PCDH15: variants seen among roughly 807,000 people sequenced by gnomAD.
PCDH15 encodes protocadherin related 15, also known as protocadherin-15.
A neutral mutation model predicts 178.5 loss-of-function variants in PCDH15; 129 were observed. The observed-to-expected ratio is 0.72, with a 90% CI of 0.63 to 0.84. The LOEUF (loss-of-function observed/expected upper bound fraction) is 0.84, where lower values mean the gene tolerates loss of function less well. Ranked by LOEUF, PCDH15 falls within the 40% of genes least tolerant of loss-of-function variation. The pLI, the probability that PCDH15 is intolerant of heterozygous loss-of-function variation, is 0.00. For synonymous variants in PCDH15, 800 were observed against 732.0 expected (o/e 1.09, Z -1.50); for missense variants, 2,230 against 2,099.9 (o/e 1.06, Z -1.21).
chr10:55,481,474 G>A (rs1183759135), intron 2 of PCDH15, among the ~76,000 whole-genome samples: 1 of 151,514 alleles, frequency 6.6e-6, no homozygotes, highest in African/African-American at 2.4e-5. Flanking sequence ...GTTTTTTAGT[G>A]CTATAAATTT....
intron 3 of PCDH15, among the ~76,000 whole-genome samples, chr10:54,443,825 A>G (rs114070196): frequency 0.018 from 2,701 of 151,734 alleles, 93 homozygotes; most frequent in African/African-American, 0.062. Flanking sequence ...TCTGACTTCC[A>G]TCAGCTCACC....
intron 1 of PCDH15, among the ~76,000 whole-genome samples, chr10:54,756,569 C>T (rs1255131649): frequency 1.3e-5 from 2 of 152,122 alleles, no homozygotes; most frequent in Non-Finnish European, 2.9e-5. Context: ...TGGAAAAATA[C>T]ATTTAGTAGG....
intron 1 of PCDH15, among the ~76,000 whole-genome samples, chr10:55,270,687 G>A (rs995636600): frequency 6.6e-6 from 1 of 152,174 alleles, no homozygotes; most frequent in African/African-American, 2.4e-5. Context: ...CTTATACACT[G>A]TTGGTGAGAA....
chr10:54,707,573 T>C (rs1257895259), intron 1 of PCDH15, among the ~76,000 whole-genome samples: 2 of 152,140 alleles, frequency 1.3e-5, no homozygotes, highest in African/African-American at 4.8e-5. Context: ...TAAAGCAGCA[T>C]GTAGATTTAA....
intron 1 of PCDH15, among the ~76,000 whole-genome samples, chr10:55,268,048 G>C (rs1015251919): frequency 6.6e-6 from 1 of 152,254 alleles, no homozygotes; most frequent in East Asian, 1.9e-4. Context: ...TGCACTGAAA[G>C]CATTTCATTG....
rs1837525430 is a variant in PCDH15 at position 55,112,171 on chromosome 10, T to G, written c.-80+54405A>C. Among the ~76,000 whole-genome samples, 4 of 152,248 alleles carry G rather than the reference T, an allele frequency of 2.6e-5. No individual in the cohort carries two copies. The South Asian group carries it at 8.3e-4, about 32-fold the overall frequency. On this transcript the variant is annotated intron_variant, in intron 2 of 5. Coordinates refer to the PCDH15 transcript ENST00000458638. ...CTGAATGTCTGTGTCCATGCAAAAT[T>G]CACATGTTGAAATCCTAAGGCAAAT...
chr10:55,622,580 A>G (rs1323873893), intron 2 of PCDH15, among the ~76,000 whole-genome samples: 2 of 152,298 alleles, frequency 1.3e-5, no homozygotes, highest in Middle Eastern at 6.8e-3. Context: ...AGTATTTTTC[A>G]TAAAATGTAA....
chr10:55,430,367 GC>G (rs1444529763), intron 2 of PCDH15, among the ~76,000 whole-genome samples: 8 of 152,250 alleles, frequency 5.3e-5, no homozygotes, highest in African/African-American at 1.9e-4. Context: ...TAGGTAAATA[GC>G]CAAATGAATC....
chr10:54,333,723 T>C (rs1396805190), intron 6 of PCDH15, among the ~76,000 whole-genome samples: 2 of 152,184 alleles, frequency 1.3e-5, no homozygotes, highest in Admixed American at 6.5e-5. Flanking sequence ...TGTAGATTCC[T>C]AGCATCTATT....
chr10:55,154,773 C>T (rs1838838012), intron 2 of PCDH15, among the ~76,000 whole-genome samples: 1 of 152,092 alleles, frequency 6.6e-6, no homozygotes, highest in African/African-American at 2.4e-5. Context: ...TTAAGAACTG[C>T]TAGGATATCA....
chr10:54,903,413 C>A (rs1023027428), intron 2 of PCDH15, among the ~76,000 whole-genome samples: 1 of 152,158 alleles, frequency 6.6e-6, no homozygotes, highest in Non-Finnish European at 1.5e-5. Context: ...GAAGACCATT[C>A]AGACTTCCAA....
At chr10:54,011,834 G>C (rs942609798) in intron 20 of PCDH15, among the ~76,000 whole-genome samples, 1 of 152,180 alleles carries the variant, frequency 6.6e-6, no homozygotes, top group African/African-American at 2.4e-5. Context: ...AGCGAACACA[G>C]ATGAGAAAGA....
chr10:55,080,129 T>C (rs1455161858), intron 2 of PCDH15, among the ~76,000 whole-genome samples: 1 of 152,076 alleles, frequency 6.6e-6, no homozygotes, highest in Non-Finnish European at 1.5e-5. Context: ...GCAGGAGCCA[T>C]GGCCACAGCG....
chr10:55,231,165 T>C (rs1186460047), intron 1 of PCDH15, among the ~76,000 whole-genome samples: 2 of 151,982 alleles, frequency 1.3e-5, no homozygotes, highest in East Asian at 1.9e-4. Context: ...TGATGGTATC[T>C]TAAATAGGGT....
intron 3 of PCDH15, among the ~76,000 whole-genome samples, chr10:54,457,445 C>A (rs757828215): frequency 1.1e-4 from 17 of 152,156 alleles, no homozygotes; most frequent in African/African-American, 3.4e-4. Context: ...CCCTCCTAAT[C>A]TTTCACATTA....
intron 1 of PCDH15, among the ~76,000 whole-genome samples, chr10:55,239,112 A>C (rs1474017511): frequency 6.6e-6 from 1 of 152,004 alleles, no homozygotes; most frequent in African/African-American, 2.4e-5. Context: ...AATATGTGAA[A>C]TTTGTCTTTC....
chr10:53,818,561 G>C (rs2076146327), intron 33 of PCDH15, among the ~76,000 whole-genome samples: 1 of 151,970 alleles, frequency 6.6e-6, no homozygotes, highest in Non-Finnish European at 1.5e-5. Flanking sequence ...TAGAAATTAA[G>C]TGAAGAAGTT....
chr10:54,473,990 C>T (rs1237651881), intron 3 of PCDH15, among the ~76,000 whole-genome samples: 1 of 151,716 alleles, frequency 6.6e-6, no homozygotes, highest in African/African-American at 2.4e-5. Flanking sequence ...TGCAAAAGAA[C>T]ACATTACATA....
Position 54,657,523 on chromosome 10 carries a change from G to A in PCDH15, c.91+6649C>T, listed in dbSNP as rs115648599. Among the ~76,000 whole-genome samples the A allele has an allele frequency of 6.1e-3, 935 of 152,194 alleles. 11 individuals carry two copies. Among genetic ancestry groups the A allele is most frequent in the African/African-American group, 0.019 (808 of 41,510 alleles). ...CTGAGACCTCTGTACTCTCAGCCTC[G>A]CAGGAGATAGTGTCAGCTGACACAT... On this transcript the variant is annotated intron_variant, in intron 2 of 37. Transcript: ENST00000644397.
Sources: allele counts gnomAD v4.1 joint callset (sites outside exome capture counted in the v4.1 genomes callset), GRCh38; gene constraint gnomAD v4.1.1; transcripts MANE v1.5; gene names NCBI Gene and HGNC (gene_info 2026-07-23, HGNC 2026-07-21).